The following ATRNL1 variants were observed in gnomAD, a reference collection of about 807,000 sequenced individuals.
ATRNL1 encodes attractin like 1, also known as attractin-like protein 1.
ATRNL1 carries 95 observed loss-of-function variants against 182.7 expected under a neutral mutation model. The ratio of observed to expected loss-of-function variants is 0.52; its 90% CI spans 0.44 to 0.62. The LOEUF is 0.62. Among genes scored for constraint, ATRNL1 ranks in the 20% least tolerant of loss-of-function variants. The probability of loss-of-function intolerance (pLI) is 0.00; values close to 1 mark genes in which losing one functional copy is unlikely to be tolerated. For synonymous variants in ATRNL1, 576 were observed against 568.3 expected (o/e 1.01, Z -0.19); for missense variants, 1,471 against 1,679.5 (o/e 0.88, Z 2.17).
intron 26 of ATRNL1, among the ~76,000 whole-genome samples, chr10:115,701,217 C>T (rs1340953272): frequency 2.0e-5 from 3 of 151,804 alleles, no homozygotes; most frequent in Non-Finnish European, 4.4e-5. Context: ...TTTGGATAAA[C>T]AACAAAATTA....
intron 1 of ATRNL1, among the ~76,000 whole-genome samples, chr10:115,105,269 T>G (rs766662143): frequency 7.9e-5 from 12 of 152,150 alleles, no homozygotes; most frequent in Admixed American, 2.0e-4. Context: ...AACTTTGAAC[T>G]TCAGCGAGAT....
chr10:115,536,021 G>T lies in ATRNL1; in HGVS notation c.3717-13437G>T, dbSNP rs190172863. Among the ~76,000 whole-genome samples, 446 of 151,790 alleles carry T rather than the reference G, an allele frequency of 2.9e-3. 3 individuals are homozygous for T. The highest frequency in any genetic ancestry group is 0.01 in the East Asian group (52 of 5,124). On this transcript the variant is annotated intron_variant, in intron 25 of 28. Transcript: ENST00000355044. ...TGTGACGTGTCAGTCTGCCCCTACT[G>T]GGGGGAGCCTCCCAGTTAGGCTTCT...
At chr10:115,621,588 C>T (rs782319772) in intron 26 of ATRNL1, among the ~76,000 whole-genome samples, 1 of 148,276 alleles carries the variant, frequency 6.7e-6, no homozygotes, top group Non-Finnish European at 1.5e-5. Flanking sequence ...ATGTGTGAGC[C>T]ACTGCTCCTG....
intron 20 of ATRNL1, among the ~76,000 whole-genome samples, chr10:115,410,758 G>C (rs1177709437): frequency 6.6e-6 from 1 of 151,944 alleles, no homozygotes; most frequent in Non-Finnish European, 1.5e-5. Flanking sequence ...TTCAGAGACA[G>C]AGTCTCACTC....
At chr10:115,342,804 T>G (rs1855811085) in intron 19 of ATRNL1, among the ~76,000 whole-genome samples, 1 of 152,174 alleles carries the variant, frequency 6.6e-6, no homozygotes, top group Non-Finnish European at 1.5e-5. Flanking sequence ...ACTCAGCTTT[T>G]GTTTGTCTGG....
At chr10:115,162,808 C>G (rs543809389) in intron 6 of ATRNL1, among the ~76,000 whole-genome samples, 27 of 151,332 alleles carry the variant, frequency 1.8e-4, no homozygotes, top group African/African-American at 6.3e-4. Flanking sequence ...ATAGGAAAAC[C>G]TGGAGTACAG....
chr10:115,141,722 C>T (rs1554878121), intron 5 of ATRNL1, among the ~76,000 whole-genome samples: 4 of 152,180 alleles, frequency 2.6e-5, no homozygotes, highest in South Asian at 2.1e-4. Context: ...ATAATGAACA[C>T]GGTCAATCTA....
At chr10:115,325,751 G>A (rs1282256877) in intron 18 of ATRNL1, among the ~76,000 whole-genome samples, 1 of 152,136 alleles carries the variant, frequency 6.6e-6, no homozygotes, top group East Asian at 1.9e-4. Flanking sequence ...AGGTATTATA[G>A]ATTACTACCT....
intron 27 of ATRNL1, among the ~76,000 whole-genome samples, chr10:115,791,202 A>G (rs1565381978): frequency 6.6e-6 from 1 of 152,190 alleles, no homozygotes; most frequent in Non-Finnish European, 1.5e-5. Context: ...GGCCTTGCAG[A>G]GCCAGACCCT....
rs1951200070 is a variant in ATRNL1, at chr10:115,856,806, T to C, written c.4018+8815T>C. 2.6e-5 allele frequency among the ~76,000 whole-genome samples: 4 copies of C among 152,142 alleles called. No individual in the cohort carries two copies. The South Asian group carries it at 8.3e-4, about 31-fold the overall frequency. ...ACTCACACCCACCCATTGCACAACT[T>C]CTGCTGTGAGTGCTGTGAGGCCCGG... On this transcript the variant is annotated intron_variant, in intron 28 of 28. Coordinates refer to ENST00000355044, the MANE Select transcript of ATRNL1 (RefSeq NM_207303.4).
intron 12 of ATRNL1, among the ~76,000 whole-genome samples, chr10:115,267,279 G>A (rs1236569203): frequency 6.6e-6 from 1 of 150,688 alleles, no homozygotes; most frequent in Non-Finnish European, 1.5e-5. Context: ...TCTAATATAA[G>A]TTTAAAATGC....
intron 25 of ATRNL1, among the ~76,000 whole-genome samples, chr10:115,527,160 C>G (rs1554986776): frequency 6.6e-6 from 1 of 151,380 alleles, no homozygotes. Context: ...CACTCTGCCT[C>G]CCAGGCTGGA....
chr10:115,294,283 C>T (rs929656770), intron 15 of ATRNL1, among the ~76,000 whole-genome samples: 3 of 152,194 alleles, frequency 2.0e-5, no homozygotes, highest in African/African-American at 4.8e-5. Context: ...CCCAGGAGAT[C>T]GAGGCTAGCC....
At chr10:115,268,910 A>G (rs546714835) in intron 13 of ATRNL1, among the ~76,000 whole-genome samples, 3 of 152,276 alleles carry the variant, frequency 2.0e-5, no homozygotes, top group South Asian at 4.1e-4. Flanking sequence ...CTGTCTATAC[A>G]TTAGTGGTTC....
intron 28 of ATRNL1, among the ~76,000 whole-genome samples, chr10:115,866,300 C>T (rs1332724355): frequency 6.6e-6 from 1 of 152,108 alleles, no homozygotes; most frequent in Non-Finnish European, 1.5e-5. Flanking sequence ...AATGTCATTC[C>T]TATTATGACT....
At chr10:115,314,015 A>T (rs892777936) in intron 17 of ATRNL1, among the ~76,000 whole-genome samples, 10 of 152,336 alleles carry the variant, frequency 6.6e-5, no homozygotes, top group African/African-American at 2.4e-4. Flanking sequence ...AAGGAGGGAC[A>T]TGGTAAATAG....
At chr10:115,559,508 T>C (rs1853563116) in intron 26 of ATRNL1, among the ~76,000 whole-genome samples, 1 of 152,014 alleles carries the variant, frequency 6.6e-6, no homozygotes, top group African/African-American at 2.4e-5. Context: ...AAACTTCAGG[T>C]TTAGCTTGTA....
At chr10:115,835,519 G>A (rs1950649104) in intron 27 of ATRNL1, among the ~76,000 whole-genome samples, 1 of 152,178 alleles carries the variant, frequency 6.6e-6, no homozygotes. Flanking sequence ...ACTCATATGG[G>A]AGAATTGGGA....
intron 21 of ATRNL1, among the ~76,000 whole-genome samples, chr10:115,442,049 T>A (rs1766845028): frequency 6.6e-6 from 1 of 152,040 alleles, no homozygotes; most frequent in Admixed American, 6.6e-5. Context: ...TTTTCAGTTT[T>A]AATTTTCTTC....
Sources: gnomAD v4.1 joint callset for allele counts (sites outside exome capture counted in the v4.1 genomes callset) on GRCh38, gnomAD v4.1.1 for gene constraint, MANE v1.5 for transcripts, NCBI Gene and HGNC (gene_info 2026-07-23, HGNC 2026-07-21) for gene names.